The following CFAP54 variants were observed in gnomAD, a reference collection of about 807,000 sequenced individuals.
CFAP54 encodes the protein cilia- and flagella-associated protein 54.
A neutral mutation model predicts 370.4 loss-of-function variants in CFAP54; 290 were observed. That is an observed-to-expected ratio of 0.78 (90% CI 0.71 to 0.86). The LOEUF (loss-of-function observed/expected upper bound fraction) is 0.86, where lower values mean the gene tolerates loss of function less well. Among genes scored for constraint, CFAP54 ranks in the 40% least tolerant of loss-of-function variants. The pLI is 0.00. For synonymous variants in CFAP54, 1,206 were observed against 1,236.5 expected (o/e 0.98, Z 0.52); for missense variants, 3,399 against 3,528.7 (o/e 0.96, Z 0.93).
intron 9 of CFAP54, among the ~76,000 whole-genome samples, chr12:96,529,591 T>C (rs1461875894): frequency 6.6e-6 from 1 of 152,236 alleles, no homozygotes; most frequent in East Asian, 1.9e-4. Flanking sequence ...CTTAAATTTC[T>C]CTGATGACTA....
intron 50 of CFAP54, among the ~76,000 whole-genome samples, chr12:96,732,437 G>C (rs914966553): frequency 8.6e-5 from 13 of 152,034 alleles, no homozygotes; most frequent in African/African-American, 3.1e-4. Flanking sequence ...TGGCCACTTG[G>C]TAGCTTGTTT....
chr12:96,839,460 G>A (rs774331606), intron 66 of CFAP54, among the ~76,000 whole-genome samples: 2 of 152,128 alleles, frequency 1.3e-5, no homozygotes, highest in South Asian at 2.1e-4. Flanking sequence ...AAGCCTCTGA[G>A]TATACTCATG....
intron 16 of CFAP54, 90 bp downstream of exon 16, chr12:96,554,400 G>T: frequency 1.4e-6 from 2 of 1,391,004 alleles, no homozygotes; most frequent in South Asian, 1.7e-5. Context: ...AGCATGACTT[G>T]TGTTGGCTTA....
chr12:96,716,009 G>A (rs1291835260), intron 48 of CFAP54, among the ~76,000 whole-genome samples: 6 of 151,814 alleles, frequency 4.0e-5, no homozygotes, highest in Non-Finnish European at 7.4e-5. Context: ...TTTTTCTCTC[G>A]TGCTTTTCCC....
At chr12:96,662,420 G>A (rs972072339) in intron 38 of CFAP54, among the ~76,000 whole-genome samples, 2 of 152,182 alleles carry the variant, frequency 1.3e-5, no homozygotes, top group Non-Finnish European at 2.9e-5. Flanking sequence ...GACCAGGTTG[G>A]TCTTGAACTC....
Position 96,500,705 on chromosome 12 carries a change from A to G in CFAP54, c.318-129A>G. The G allele has an allele frequency of 7.6e-6, 4 of 529,178 alleles. No individual in the cohort carries two copies. The South Asian group carries it at 9.2e-5, about 12-fold the overall frequency. The allele number at this position is 529,178 out of a possible 1,614,324, so 32.8% of individuals were successfully genotyped here. A position where few individuals can be genotyped will look rare whatever the true frequency, so the allele number is the denominator to read the frequency against. On this transcript the variant is annotated intron_variant, in intron 1 of 67. Coordinates refer to ENST00000524981, the MANE Select transcript of CFAP54 (RefSeq NM_001306084.2). ...AACTGTAATTACATTTATTATTAATAATTGGACATTAACAATAAGGCACAT... is the reference window on the plus strand; with the variant it reads ...AACTGTAATTACATTTATTATTAATGATTGGACATTAACAATAAGGCACAT...
At chr12:96,538,694 G>A (rs1051307507) in intron 13 of CFAP54, 176 bp downstream of exon 13, 41 of 632,488 alleles carry the variant, frequency 6.5e-5, no homozygotes, top group Non-Finnish European at 1.0e-4. Flanking sequence ...TTCTTTTAAT[G>A]TGTGTTCCCT....
chr12:96,659,107 C>A (rs1308474631), intron 38 of CFAP54, among the ~76,000 whole-genome samples: 1 of 152,210 alleles, frequency 6.6e-6, no homozygotes, highest in Non-Finnish European at 1.5e-5. Flanking sequence ...GCAGCCTCCG[C>A]CTCCCAGGTT....
intron 66 of CFAP54, among the ~76,000 whole-genome samples, chr12:96,838,773 AG>A (rs1959194627): frequency 6.6e-6 from 1 of 152,236 alleles, no homozygotes; most frequent in Non-Finnish European, 1.5e-5. Context: ...TGACCCAAAA[AG>A]GCTGACAGTC....
At chr12:96,851,792 T>A (rs1959553614) in intron 66 of CFAP54, among the ~76,000 whole-genome samples, 1 of 152,092 alleles carries the variant, frequency 6.6e-6, no homozygotes, top group Admixed American at 6.5e-5. Context: ...AAAACCTTCC[T>A]GTCTCCTGAA....
chr12:96,572,019 A>G (rs908839508), intron 19 of CFAP54, among the ~76,000 whole-genome samples: 3 of 152,208 alleles, frequency 2.0e-5, no homozygotes, highest in Non-Finnish European at 4.4e-5. Context: ...GATCTGAGTT[A>G]GGGGTCTAAA....
At chr12:96,693,618 C>T in intron 44 of CFAP54, 104 bp from the exon 45 acceptor site, 1 of 648,318 alleles carries the variant, frequency 1.5e-6, no homozygotes, top group South Asian at 2.3e-5. Flanking sequence ...GAAAGCAAAT[C>T]AGTATATAAC....
At chr12:96,589,640 T>G in intron 23 of CFAP54, 77 bp downstream of exon 23, 2 of 917,470 alleles carry the variant, frequency 2.2e-6, no homozygotes, top group Non-Finnish European at 3.2e-6. Context: ...CTGGAATTAT[T>G]TTTAATATCA....
At position 96,827,262 on chromosome 12, in the gene CFAP54, G is replaced by A. The variant is rs62644119; in HGVS notation, c.9097-1752G>A. ...TATATGTGATTATATATAGTGTGCAGTTATATGTGATTATATATAGTGTGC... is the reference window on the plus strand; with the variant it reads ...TATATGTGATTATATATAGTGTGCAATTATATGTGATTATATATAGTGTGC... On this transcript the variant is annotated intron_variant, in intron 65 of 67. Coordinates refer to ENST00000524981, the MANE Select transcript of CFAP54 (RefSeq NM_001306084.2). Among the ~76,000 whole-genome samples, 44 of 14,464 alleles carry A rather than the reference G, an allele frequency of 3.0e-3. 20 individuals are homozygous for A. Among genetic ancestry groups the A allele is most frequent in the East Asian group, 0.015 (4 of 274 alleles). The allele number at this position is 14,464 out of a possible 152,430, so 9.5% of individuals were successfully genotyped here. A position where few individuals can be genotyped will look rare whatever the true frequency, so the allele number is the denominator to read the frequency against.
intron 1 of CFAP54, among the ~76,000 whole-genome samples, chr12:96,499,871 C>T (rs1279820644): frequency 6.6e-6 from 1 of 151,920 alleles, no homozygotes. Context: ...GCTTGAACCC[C>T]AGAGGTGGAG....
At chr12:96,555,077 A>G (rs1955738202) in intron 17 of CFAP54, 1 of 216,242 alleles carries the variant, frequency 4.6e-6, no homozygotes, top group Non-Finnish European at 9.1e-6. Flanking sequence ...TCAACCAAGC[A>G]AACATTTACT....
At chr12:96,779,676 A>G (rs1022347731) in intron 60 of CFAP54, among the ~76,000 whole-genome samples, 1 of 148,888 alleles carries the variant, frequency 6.7e-6, no homozygotes, top group Non-Finnish European at 1.5e-5. Context: ...ACATATATAT[A>G]TTAATTATAT....
At chr12:96,858,285 A>T (rs1445326897) in intron 66 of CFAP54, among the ~76,000 whole-genome samples, 2 of 152,116 alleles carry the variant, frequency 1.3e-5, no homozygotes, top group Non-Finnish European at 2.9e-5. Context: ...TCTTGGGTGC[A>T]TGTATGTCTT....
At chr12:96,658,484 A>G in intron 38 of CFAP54, 138 bp downstream of exon 38, 6 of 1,074,798 alleles carry the variant, frequency 5.6e-6, no homozygotes, top group Non-Finnish European at 8.0e-6. Context: ...TATCATTCAA[A>G]TCAACAAACA....
Sources: allele counts gnomAD v4.1 joint callset (sites outside exome capture counted in the v4.1 genomes callset), GRCh38; gene constraint gnomAD v4.1.1; transcripts MANE v1.5; gene names NCBI Gene and HGNC (gene_info 2026-07-23, HGNC 2026-07-21).